The following PGM5 variants were observed in gnomAD, a reference collection of about 807,000 sequenced individuals.
The protein encoded by PGM5 is phosphoglucomutase-like protein 5.
Under a neutral mutation model 59.2 loss-of-function variants are expected in PGM5, and 23 were observed. That is an observed-to-expected ratio of 0.39 (90% CI 0.28 to 0.55). The LOEUF (loss-of-function observed/expected upper bound fraction) is 0.55. PGM5 is among the 20% of genes least tolerant of loss of function. PGM5 has a pLI of 0.66. For missense variants in PGM5, 574 were observed against 748.3 expected, an observed-to-expected ratio of 0.77 and a Z score of 2.72; for synonymous variants, 214 against 286.0, an observed-to-expected ratio of 0.75 and a Z score of 2.54.
chr9:68,457,224 T>C (rs1385350190), intron 6 of PGM5, among the ~76,000 whole-genome samples: 1 of 152,244 alleles, frequency 6.6e-6, no homozygotes, highest in African/African-American at 2.4e-5. Flanking sequence ...ATTACGTTTA[T>C]CAATCTTTTT....
At chr9:68,388,459 A>G (rs1822284258) in intron 4 of PGM5, among the ~76,000 whole-genome samples, 1 of 150,924 alleles carries the variant, frequency 6.6e-6, no homozygotes, top group African/African-American at 2.4e-5. Context: ...TGCTGTCATC[A>G]TGAAATCTCC....
At chr9:68,381,084 T>G (rs369517) in intron 2 of PGM5, among the ~76,000 whole-genome samples, 22,182 of 149,984 alleles carry the variant, frequency 0.15, 1,717 homozygotes, top group Middle Eastern at 0.24. Context: ...CACATTTTGT[T>G]AGGCCAGCAT....
At chr9:68,438,605 G>A (rs904434024) in intron 6 of PGM5, among the ~76,000 whole-genome samples, 3 of 152,190 alleles carry the variant, frequency 2.0e-5, no homozygotes, top group East Asian at 1.9e-4. Context: ...CAAGATGTAC[G>A]AAACAAGCTA....
At chr9:68,425,664 G>T (rs781902451) in intron 6 of PGM5, among the ~76,000 whole-genome samples, 4 of 151,520 alleles carry the variant, frequency 2.6e-5, no homozygotes, top group Non-Finnish European at 5.9e-5. Flanking sequence ...AAATATTCTG[G>T]GTAAATGGTG....
chr9:68,498,167 A>G (rs1587217623), intron 9 of PGM5: 1 of 152,248 alleles, frequency 6.6e-6, no homozygotes, highest in Non-Finnish European at 1.5e-5. Context: ...TGGCTACAAG[A>G]TGAAAAGCTA....
At chr9:68,393,056 A>C (rs1429165966) in intron 6 of PGM5, among the ~76,000 whole-genome samples, 1 of 151,976 alleles carries the variant, frequency 6.6e-6, no homozygotes, top group Non-Finnish European at 1.5e-5. Flanking sequence ...GGCTCTAACT[A>C]ACCCTATTAG....
chr9:68,529,333 T>C (rs183126615), intron 10 of PGM5, among the ~76,000 whole-genome samples: 1 of 152,212 alleles, frequency 6.6e-6, no homozygotes, highest in East Asian at 1.9e-4. Context: ...CTATTATAGA[T>C]AAATTTCTTT....
At chr9:68,422,447 T>C (rs1476113030) in intron 6 of PGM5, among the ~76,000 whole-genome samples, 1 of 150,800 alleles carries the variant, frequency 6.6e-6, no homozygotes, top group Non-Finnish European at 1.5e-5. Context: ...TTTGTTTTGT[T>C]TTTTGTTTTG....
chr9:68,492,716 C>A (rs1455436205), intron 9 of PGM5, among the ~76,000 whole-genome samples: 1 of 152,222 alleles, frequency 6.6e-6, no homozygotes, highest in Non-Finnish European at 1.5e-5. Flanking sequence ...TAACTGCTGC[C>A]TTGCTCAACC....
At position 68,530,831 on chromosome 9, in the gene PGM5, G is replaced by A. The variant is rs777362723; in HGVS notation, c.*1175G>A. ...GACACCCAGCGCGTGGGACCTGTTT[G>A]TGTCTGTTTTGCTTCCTTGGGAACG... is the stretch of plus-strand genomic sequence containing the variant. On this transcript the variant is annotated 3_prime_UTR_variant, in exon 11 of 11. Coordinates refer to ENST00000396396, the MANE Select transcript of PGM5 (RefSeq NM_021965.4). 1 of 152,226 alleles carries A rather than the reference G, an allele frequency of 6.6e-6. No homozygotes were observed. The highest frequency in any genetic ancestry group is 1.5e-5 in the Non-Finnish European group (1 of 68,072). 9.4% of individuals were successfully genotyped at this position (152,226 alleles called of 1,614,324 possible). A position where few individuals can be genotyped will look rare whatever the true frequency, so the allele number is the denominator to read the frequency against.
At chr9:68,456,451 C>T (rs1157901603) in intron 6 of PGM5, among the ~76,000 whole-genome samples, 7 of 150,956 alleles carry the variant, frequency 4.6e-5, no homozygotes. Context: ...GCTGGGACTA[C>T]AGGTGCCTGC....
chr9:68,445,193 T>C (rs1233854732), intron 6 of PGM5, among the ~76,000 whole-genome samples: 1 of 152,000 alleles, frequency 6.6e-6, no homozygotes, highest in East Asian at 1.9e-4. Flanking sequence ...AAGAATCTTA[T>C]CAGGATTAGA....
rs1338510643 is a variant in PGM5 at position 68,376,835 on chromosome 9, C to T, written c.262-1364C>T. ...TTTCTTTCTTTCTTTCTTTCTTTCT[C>T]TTTCTTTCTTTCTTTCTCTTTCTTT... On this transcript the variant is annotated intron_variant, in intron 1 of 10. Coordinates refer to ENST00000396396, the MANE Select transcript of PGM5 (RefSeq NM_021965.4). 5.1e-3 allele frequency among the ~76,000 whole-genome samples: 298 copies of T among 58,576 alleles called. 20 individuals are homozygous for T. Among genetic ancestry groups the T allele is most frequent in the African/African-American group, 0.022 (272 of 12,090 alleles). The allele number at this position is 58,576 out of a possible 152,430, so 38.4% of individuals were successfully genotyped here.
At chr9:68,468,589 G>A (rs1554686041) in intron 7 of PGM5, among the ~76,000 whole-genome samples, 1 of 152,076 alleles carries the variant, frequency 6.6e-6, no homozygotes, top group African/African-American at 2.4e-5. Flanking sequence ...TGTGTTGGAT[G>A]GTGTGTAGAA....
chr9:68,403,762 G>A (rs1184242567), intron 6 of PGM5, among the ~76,000 whole-genome samples: 24 of 152,222 alleles, frequency 1.6e-4, no homozygotes, highest in South Asian at 8.3e-4. Flanking sequence ...AAAGTCATTC[G>A]TGTGGGTTGG....
chr9:68,476,787 G>A (rs1554686696), intron 7 of PGM5, among the ~76,000 whole-genome samples: 1 of 152,160 alleles, frequency 6.6e-6, no homozygotes. Context: ...TACAAATGTT[G>A]AGGTGGGTTT....
At chr9:68,525,311 A>G (rs1480234105) in intron 10 of PGM5, among the ~76,000 whole-genome samples, 1 of 152,208 alleles carries the variant, frequency 6.6e-6, no homozygotes, top group Non-Finnish European at 1.5e-5. Context: ...GTATCTCCTA[A>G]GCAGTAGATA....
At chr9:68,384,086 C>T (rs10125962) in intron 2 of PGM5, among the ~76,000 whole-genome samples, 41,539 of 139,956 alleles carry the variant, frequency 0.3, 6,068 homozygotes, top group Admixed American at 0.37. Flanking sequence ...AAGCTGATTA[C>T]GTAACCAGGT....
At chr9:68,509,415 T>A (rs1315120414) in intron 10 of PGM5, among the ~76,000 whole-genome samples, 2 of 152,212 alleles carry the variant, frequency 1.3e-5, no homozygotes, top group Non-Finnish European at 2.9e-5. Flanking sequence ...CTTTGGCAGG[T>A]TGGGCCTGTG....
Sources: allele counts gnomAD v4.1 joint callset (sites outside exome capture counted in the v4.1 genomes callset), GRCh38; gene constraint gnomAD v4.1.1; transcripts MANE v1.5; gene names NCBI Gene and HGNC (gene_info 2026-07-23, HGNC 2026-07-21).